Variants in CLPSL1 observed in about 807,000 individuals in gnomAD.
CLPSL1 encodes colipase-like protein 1.
CLPSL1 carries 13 observed loss-of-function variants against 9.3 expected under a neutral mutation model. That is an observed-to-expected ratio of 1.40 (90% CI 0.91 to 2.22). The LOEUF (loss-of-function observed/expected upper bound fraction) is 2.22, where lower values mean the gene tolerates loss of function less well. Among genes scored for constraint, CLPSL1 ranks in the 30% most tolerant of loss-of-function variants. The probability of loss-of-function intolerance (pLI) is 0.00; values close to 1 mark genes in which losing one functional copy is unlikely to be tolerated. For missense variants in CLPSL1, 164 were observed against 146.6 expected (o/e 1.12, Z -0.61); for synonymous variants, 58 against 56.9 (o/e 1.02, Z -0.08).
downstream of CLPSL1, chr6:35,788,178 G>GTGGGC (rs1234536968): frequency 1.8e-5 from 11 of 595,010 alleles, no homozygotes; most frequent in South Asian, 1.5e-5. Flanking sequence ...TGGGGCCTGG[G>GTGGGC]TGGGCTGGGC....
At chr6:35,785,947 A>G (rs1295325507) in intron 1 of CLPSL1, among the ~76,000 whole-genome samples, 1 of 4,002 alleles carries the variant, frequency 2.5e-4, no homozygotes, top group Non-Finnish European at 8.4e-4. Flanking sequence ...AGACTTTGTC[A>G]AAAAAAAAAA....
At chr6:35,784,339 T>C (rs1488376548) in intron 1 of CLPSL1, among the ~76,000 whole-genome samples, 1 of 152,200 alleles carries the variant, frequency 6.6e-6, no homozygotes, top group African/African-American at 2.4e-5. Flanking sequence ...ATAGGCTTCA[T>C]AGAAAATAGA....
chr6:35,784,874 G>A (rs1429821297), intron 1 of CLPSL1, among the ~76,000 whole-genome samples: 1 of 152,204 alleles, frequency 6.6e-6, no homozygotes. Flanking sequence ...TTCAGAGCAG[G>A]AGTGGAAGTT....
At chr6:35,792,755 C>T (rs1768245240), downstream of CLPSL1, among the ~76,000 whole-genome samples, 1 of 152,268 alleles carries the variant, frequency 6.6e-6, no homozygotes, top group African/African-American at 2.4e-5. Context: ...GTGCCAGGCA[C>T]ACTGTGGTCA....
intron 1 of CLPSL1, among the ~76,000 whole-genome samples, chr6:35,783,215 TA>T (rs1169844158): frequency 6.6e-6 from 1 of 151,784 alleles, no homozygotes. Context: ...TATGTACTTT[TA>T]AAAAAAAATT....
intron 1 of CLPSL1, among the ~76,000 whole-genome samples, chr6:35,782,013 A>C (rs2766580): frequency 0.26 from 39,919 of 151,998 alleles, 5,453 homozygotes; most frequent in South Asian, 0.32. Flanking sequence ...TGGCCTCCCA[A>C]AGTGCTAGGA....
At chr6:35,789,621 C>T (rs1052138782), downstream of CLPSL1, among the ~76,000 whole-genome samples, 24 of 152,234 alleles carry the variant, frequency 1.6e-4, no homozygotes, top group African/African-American at 3.6e-4. Context: ...GGACCGAGCA[C>T]GGTGGCTCAT....
intron 2 of CLPSL1, 92 bp downstream of exon 2, chr6:35,787,212 G>A: frequency 6.9e-7 from 1 of 1,447,378 alleles, no homozygotes. Context: ...AGAAGGGTAG[G>A]TGGGCGGAAA....
intron 1 of CLPSL1, among the ~76,000 whole-genome samples, chr6:35,783,274 G>T (rs1015390861): frequency 3.9e-5 from 6 of 152,326 alleles, no homozygotes; most frequent in African/African-American, 1.4e-4. Flanking sequence ...ACTTTGGAAG[G>T]CCGAGGCAAG....
intron 1 of CLPSL1, among the ~76,000 whole-genome samples, chr6:35,783,817 A>C (rs923669730): frequency 2.0e-5 from 3 of 151,894 alleles, no homozygotes; most frequent in Non-Finnish European, 2.9e-5. Flanking sequence ...AAAAAAAAAA[A>C]AAAAAAAAAA....
At chr6:35,789,612 G>C (rs934966320), downstream of CLPSL1, among the ~76,000 whole-genome samples, 6 of 152,268 alleles carry the variant, frequency 3.9e-5, no homozygotes, top group Non-Finnish European at 5.9e-5. Flanking sequence ...AAAAGCTCTG[G>C]ACCGAGCACG....
At chr6:35,785,946 CAAAAAAAA>C (rs35079833) in intron 1 of CLPSL1, among the ~76,000 whole-genome samples, 1 of 110,798 alleles carries the variant, frequency 9.0e-6, no homozygotes, top group East Asian at 2.6e-4. Flanking sequence ...GAGACTTTGT[CAAAAAAAA>C]AAAAAAAAAA....
chr6:35,787,495 T>C (rs1039441447), intron 2 of CLPSL1, among the ~76,000 whole-genome samples: 10 of 152,210 alleles, frequency 6.6e-5, no homozygotes, highest in Non-Finnish European at 2.9e-5. Context: ...TGGCCCCGGG[T>C]GTTCCTGGTG....
chr6:35,782,932 T>C (rs1767993869), intron 1 of CLPSL1, among the ~76,000 whole-genome samples: 1 of 152,082 alleles, frequency 6.6e-6, no homozygotes, highest in Admixed American at 6.6e-5. Context: ...GGATTATACA[T>C]ATATAATATA....
At chr6:35,781,826 A>G (rs1767973408) in intron 1 of CLPSL1, among the ~76,000 whole-genome samples, 1 of 151,360 alleles carries the variant, frequency 6.6e-6, no homozygotes, top group South Asian at 2.1e-4. Context: ...GCTCACTGCA[A>G]ACTTAGCCTC....
intron 1 of CLPSL1, among the ~76,000 whole-genome samples, chr6:35,784,988 T>G (rs1369158697): frequency 6.6e-6 from 1 of 152,102 alleles, no homozygotes; most frequent in Non-Finnish European, 1.5e-5. Context: ...GTCCTACCCC[T>G]TAACAGTCTT....
chr6:35,782,638 C>T (rs970580020), intron 1 of CLPSL1, among the ~76,000 whole-genome samples: 65 of 152,286 alleles, frequency 4.3e-4, no homozygotes, highest in Admixed American at 4.2e-3. Context: ...GGCCAGCAAG[C>T]GCAAATGCCC....
In CLPSL1 at chr6:35,787,953, C is replaced by T; in HGVS notation, c.309C>T (p.Ala103=). Residue 103 remains alanine, a synonymous_variant, in exon 3 of 3, where the codon GCC becomes GCT. Coordinates refer to ENST00000373861, the MANE Select transcript of CLPSL1 (RefSeq NM_001010886.5). ...AGAATGAGAAATGGCTTAGCATCGC[C>T]TATGGCCGTTGTCAGAAAATTGGAA... The part of the protein sequence containing the change: ...YSKNEKWLSI[A]YGRCQKIGRQ... 1 of 1,613,530 alleles carries T rather than the reference C, an allele frequency of 6.2e-7. No individual in the cohort carries two copies. The highest frequency in any genetic ancestry group is 8.5e-7 in the Non-Finnish European group (1 of 1,179,418).
At chr6:35,782,633 G>C (rs1433228255) in intron 1 of CLPSL1, among the ~76,000 whole-genome samples, 2 of 152,346 alleles carry the variant, frequency 1.3e-5, no homozygotes, top group Non-Finnish European at 2.9e-5. Flanking sequence ...CAGAGGGCCA[G>C]CAAGCGCAAA....
Sources: gnomAD v4.1 joint callset for allele counts (sites outside exome capture counted in the v4.1 genomes callset) on GRCh38, gnomAD v4.1.1 for gene constraint, MANE v1.5 for transcripts, NCBI Gene and HGNC (gene_info 2026-07-23, HGNC 2026-07-21) for gene names.